The following CERS5 variants were observed in gnomAD, a reference collection of about 807,000 sequenced individuals.
CERS5 encodes ceramide synthase 5.
Under a neutral mutation model 58.9 loss-of-function variants are expected in CERS5, and 37 were observed. The observed-to-expected ratio is 0.63, with a 90% CI of 0.48 to 0.83. CERS5 has a LOEUF of 0.83. Among genes scored for constraint, CERS5 ranks in the 40% least tolerant of loss-of-function variants. CERS5 has a pLI of 0.00. For missense variants in CERS5, 398 were observed against 489.3 expected, an observed-to-expected ratio of 0.81 and a Z score of 1.76; for synonymous variants, 147 against 177.8, an observed-to-expected ratio of 0.83 and a Z score of 1.38.
At chr12:50,132,836 C>G in intron 9 of CERS5, 1 of 1,151,892 alleles carries the variant, frequency 8.7e-7, no homozygotes, top group Non-Finnish European at 1.1e-6. Flanking sequence ...ATAATGGCCC[C>G]GAAAAGTCAG....
At position 50,162,927 on chromosome 12, in the gene CERS5, C is replaced by A. The variant is rs566619040; in HGVS notation, c.197+4174G>T. ...CCTCTCTTTCTTTAAGAGACAGGGT[C>A]TCACTCCTTTGCCCAGGCTGGAGTG... On this transcript the variant is annotated intron_variant, in intron 1 of 9. Coordinates refer to ENST00000317551, the MANE Select transcript of CERS5 (RefSeq NM_147190.5). Among the ~76,000 whole-genome samples, 208 of 152,172 alleles carry A rather than the reference C, an allele frequency of 1.4e-3. 1 individual carries two copies. Among genetic ancestry groups the A allele is most frequent in the African/African-American group, 4.9e-3 (203 of 41,524 alleles).
At chr12:50,131,001 C>T (rs1951288454) in intron 9 of CERS5, among the ~76,000 whole-genome samples, 1 of 152,222 alleles carries the variant, frequency 6.6e-6, no homozygotes. Context: ...AGGTTTCAGA[C>T]ACCCTTTCTC....
chr12:50,147,055 G>A (rs1418637357), intron 1 of CERS5, among the ~76,000 whole-genome samples: 1 of 152,110 alleles, frequency 6.6e-6, no homozygotes, highest in Non-Finnish European at 1.5e-5. Flanking sequence ...TATAGCTTTT[G>A]AGAAAGTATT....
chr12:50,133,097 G>A, intron 9 of CERS5: 1 of 1,286,596 alleles, frequency 7.8e-7, no homozygotes, highest in Non-Finnish European at 1.0e-6. Context: ...AGAGAACAGA[G>A]ATGTCCAGTA....
chr12:50,146,620 G>T (rs559119294), intron 1 of CERS5, among the ~76,000 whole-genome samples: 22 of 152,174 alleles, frequency 1.4e-4, no homozygotes, highest in Non-Finnish European at 3.1e-4. Flanking sequence ...AGCACTTTGG[G>T]AGGCCGAGGT....
At position 50,138,652 on chromosome 12, in the gene CERS5, A is replaced by G. The variant is rs937304616; in HGVS notation, c.493-35T>C. The G allele has an allele frequency of 7.0e-6, 11 of 1,582,318 alleles. No individual in the cohort carries two copies. In the Admixed American group the frequency reaches 8.3e-5, roughly 12 times the overall value. ...AACAGATAATCCATGTCAGTCCTCA[A>G]GATTCTCACCTGGCTTCAAGATCTA... On this transcript the variant is annotated intron_variant, in intron 4 of 9. Coordinates refer to ENST00000317551, the MANE Select transcript of CERS5 (RefSeq NM_147190.5).
chr12:50,143,633 C>T (rs1226901551), intron 2 of CERS5: 6 of 299,298 alleles, frequency 2.0e-5, no homozygotes, highest in Middle Eastern at 1.1e-3. Flanking sequence ...GTCTCCATCT[C>T]GATCACACAA....
chr12:50,134,114 C>T (rs1357428659), intron 9 of CERS5: 11 of 172,386 alleles, frequency 6.4e-5, no homozygotes, highest in Middle Eastern at 5.6e-3. Context: ...GGTGTGGTGG[C>T]TCACACCTGT....
At chr12:50,152,795 C>T (rs1444785173) in intron 1 of CERS5, among the ~76,000 whole-genome samples, 11 of 152,144 alleles carry the variant, frequency 7.2e-5, no homozygotes, top group Admixed American at 1.3e-4. Context: ...TGAGGCCAGA[C>T]GCAGTGGCTC....
intron 1 of CERS5, among the ~76,000 whole-genome samples, chr12:50,148,792 C>T (rs1434532910): frequency 1.3e-5 from 2 of 150,730 alleles, no homozygotes; most frequent in East Asian, 1.9e-4. Flanking sequence ...GTATTCCCAA[C>T]TACTCAGGTG....
At position 50,151,332 on chromosome 12, in the gene CERS5, A is replaced by G. The variant is rs569911652; in HGVS notation, c.198-7275T>C. ...GCAGCATTTTATTAGGTTGGTGCAA[A>G]AGTAATTCCCATTACTTTTAATGGC... On this transcript the variant is annotated intron_variant, in intron 1 of 9. Coordinates refer to ENST00000317551, the MANE Select transcript of CERS5 (RefSeq NM_147190.5). Among the ~76,000 whole-genome samples the G allele has an allele frequency of 2.0e-5, 3 of 152,154 alleles. No homozygotes were observed. In the South Asian group the frequency reaches 6.2e-4, roughly 32 times the overall value.
chr12:50,134,352 T>C, intron 9 of CERS5, 194 bp downstream of exon 9: 2 of 1,433,092 alleles, frequency 1.4e-6, no homozygotes, highest in Middle Eastern at 2.0e-4. Flanking sequence ...CCAGCCTGGG[T>C]GACAGAGCAA....
intron 4 of CERS5, among the ~76,000 whole-genome samples, chr12:50,141,240 C>G (rs151133904): frequency 6.6e-6 from 1 of 151,960 alleles, no homozygotes; most frequent in African/African-American, 2.4e-5. Flanking sequence ...TTTGTAGAGA[C>G]GGGGTTTCAC....
chr12:50,131,791 A>C (rs545096421), intron 9 of CERS5, among the ~76,000 whole-genome samples: 2 of 152,180 alleles, frequency 1.3e-5, no homozygotes, highest in South Asian at 4.1e-4. Flanking sequence ...ATATCAAGCA[A>C]AGTATTTCAA....
At chr12:50,139,852 C>T (rs1237921932) in intron 4 of CERS5, among the ~76,000 whole-genome samples, 3 of 152,100 alleles carry the variant, frequency 2.0e-5, no homozygotes, top group Admixed American at 6.6e-5. Context: ...ATGCCTATTA[C>T]ATTAATTTCC....
At chr12:50,157,385 CAG>C (rs573749039) in intron 1 of CERS5, among the ~76,000 whole-genome samples, 271 of 150,586 alleles carry the variant, frequency 1.8e-3, no homozygotes, top group African/African-American at 6.1e-3. Context: ...GAAAAAAAAA[CAG>C]TAATTACTGT....
At chr12:50,136,426 T>C (rs957705059) in intron 6 of CERS5, among the ~76,000 whole-genome samples, 2 of 150,688 alleles carry the variant, frequency 1.3e-5, no homozygotes, top group African/African-American at 4.9e-5. Flanking sequence ...TGAGCTGAGA[T>C]CGCGCCACTG....
rs772795901 is a variant in CERS5, at chr12:50,135,761, C to A, written c.843G>T (p.Met281Ile). The A allele has an allele frequency of 6.8e-6, 11 of 1,613,884 alleles. No homozygotes were observed. Among genetic ancestry groups the A allele is most frequent in the Non-Finnish European group, 9.3e-6 (11 of 1,179,826 alleles). The part of the protein sequence containing the change: ...TLFVIFSAVF[M>I]VTRLGIYPFW... ...ATGGATAGATTCCTAGTCGTGTAAC[C>A]ATAAAAACAGCACTGAAGATCACAA... Residue 281 changes from methionine to isoleucine, a missense_variant, in exon 8 of 10, where the codon ATG becomes ATT. By Grantham distance (10) the Met-to-Ile change is conservative (BLOSUM62 1). Coordinates refer to ENST00000317551, the MANE Select transcript of CERS5 (RefSeq NM_147190.5).
Position 50,138,583 on chromosome 12 carries a change from T to G in CERS5, c.527A>C (p.His176Pro). 3.1e-6 allele frequency: 5 copies of G among 1,613,880 alleles called. No individual in the cohort carries two copies. Among genetic ancestry groups the G allele is most frequent in the South Asian group, 1.1e-5 (1 of 91,082 alleles). Reference sequence around the variant, plus strand: ...AGATCCTACCTGAAATGGATAGTTATGCCAGCACTGTCGGATGTCCCAGAA... The same window carrying G: ...AGATCCTACCTGAAATGGATAGTTAGGCCAGCACTGTCGGATGTCCCAGAA... The part of the protein sequence containing the change: ...PWFWDIRQCW[H>P]NYPFQPLSSG... Residue 176 changes from histidine to proline, a missense_variant, in exon 5 of 10, where the codon CAT (histidine) becomes CCT (proline). Physicochemically the swap from His to Pro is moderately conservative, Grantham distance 77. Coordinates refer to ENST00000317551, the MANE Select transcript of CERS5 (RefSeq NM_147190.5).
Sources: gnomAD v4.1 joint callset for allele counts (sites outside exome capture counted in the v4.1 genomes callset) on GRCh38, gnomAD v4.1.1 for gene constraint, MANE v1.5 for transcripts, NCBI Gene and HGNC (gene_info 2026-07-23, HGNC 2026-07-21) for gene names.